Variants in CCDC91 observed in about 807,000 individuals in gnomAD.
CCDC91 encodes coiled-coil domain-containing protein 91.
Under a neutral mutation model 63.2 loss-of-function variants are expected in CCDC91, and 48 were observed. The observed-to-expected ratio is 0.76, with a 90% CI of 0.60 to 0.97. The LOEUF (loss-of-function observed/expected upper bound fraction) is 0.97, where lower values mean the gene tolerates loss of function less well. Ranked by LOEUF, CCDC91 falls within the 50% of genes least tolerant of loss-of-function variation. CCDC91 has a pLI of 0.00. For synonymous variants in CCDC91, 167 were observed against 165.8 expected (o/e 1.01, Z -0.06); for missense variants, 500 against 494.6 (o/e 1.01, Z -0.10).
chr12:28,515,000 T>A (rs1939788435), intron 12 of CCDC91, among the ~76,000 whole-genome samples: 1 of 151,770 alleles, frequency 6.6e-6, no homozygotes, highest in Non-Finnish European at 1.5e-5. Flanking sequence ...AATATGCACA[T>A]AGACCCCTCA....
chr12:28,233,398 T>C (rs1396372136), intron 1 of CCDC91, among the ~76,000 whole-genome samples: 3 of 152,198 alleles, frequency 2.0e-5, no homozygotes, highest in Non-Finnish European at 4.4e-5. Context: ...ATATTTATTA[T>C]ATTTGTGAAG....
chr12:28,248,304 A>G (rs1170727800), intron 1 of CCDC91, among the ~76,000 whole-genome samples: 1 of 152,170 alleles, frequency 6.6e-6, no homozygotes, highest in Non-Finnish European at 1.5e-5. Flanking sequence ...GTTAGATTAC[A>G]GTTGTCTCTT....
At chr12:28,215,242 C>T (rs1943489382) in intron 1 of CCDC91, among the ~76,000 whole-genome samples, 1 of 152,138 alleles carries the variant, frequency 6.6e-6, no homozygotes. Flanking sequence ...TGTTGTCAGG[C>T]TTAACATTAT....
chr12:28,496,504 A>T (rs1361584625), intron 12 of CCDC91, among the ~76,000 whole-genome samples: 3 of 151,624 alleles, frequency 2.0e-5, no homozygotes, highest in Non-Finnish European at 4.4e-5. Context: ...CATAGGGAGG[A>T]TATCAAAAAT....
chr12:28,354,399 A>G (rs1265888481), intron 6 of CCDC91, among the ~76,000 whole-genome samples: 1 of 152,160 alleles, frequency 6.6e-6, no homozygotes, highest in African/African-American at 2.4e-5. Flanking sequence ...TCCTAAGTCC[A>G]GGATAATCTC....
intron 1 of CCDC91, among the ~76,000 whole-genome samples, chr12:28,201,057 C>T (rs1355219225): frequency 4.0e-5 from 6 of 148,894 alleles, no homozygotes; most frequent in Non-Finnish European, 9.0e-5. Context: ...AGGGGCTCCT[C>T]ACTTCCCAGT....
intron 1 of CCDC91, among the ~76,000 whole-genome samples, chr12:28,237,266 A>ACACACACAC (rs1555163661): frequency 6.6e-6 from 1 of 150,808 alleles, no homozygotes; most frequent in African/African-American, 2.4e-5. Context: ...ACACACACAC[A>ACACACACAC]TTTTTTAAAA....
At chr12:28,499,582 A>G (rs1240759770) in intron 12 of CCDC91, among the ~76,000 whole-genome samples, 7 of 151,654 alleles carry the variant, frequency 4.6e-5, no homozygotes, top group African/African-American at 1.7e-4. Flanking sequence ...TTCAACTCCC[A>G]CTTATGAGTG....
At chr12:28,311,952 A>G (rs1215672597) in intron 6 of CCDC91, among the ~76,000 whole-genome samples, 1 of 151,980 alleles carries the variant, frequency 6.6e-6, no homozygotes, top group Non-Finnish European at 1.5e-5. Context: ...TTGGATTCCC[A>G]GGTCCCTAGT....
At position 28,394,737 on chromosome 12, in the gene CCDC91, T is replaced by TCTCTCTCTCTC. The variant is rs1216042442; in HGVS notation, c.762+3326_762+3327insCTCTCTCTCTC. Reference sequence around the variant, plus strand: ...CTCTCTCTCTCTCTCTCTCTCCCCCTTTTTCAGATTAAGAATTTCAGTTAA... The same window carrying TCTCTCTCTCTC: ...CTCTCTCTCTCTCTCTCTCTCCCCCTCTCTCTCTCTCTTTTCAGATTAAGAATTTCAGTTAA... On this transcript the variant is annotated intron_variant, in intron 8 of 12. Transcript: ENST00000536442. 5.9e-5 allele frequency among the ~76,000 whole-genome samples: 9 copies of TCTCTCTCTCTC among 151,704 alleles called. No individual in the cohort carries two copies. The South Asian group carries it at 8.3e-4, about 14-fold the overall frequency.
At chr12:28,220,537 A>G (rs537994157) in intron 1 of CCDC91, among the ~76,000 whole-genome samples, 1 of 152,004 alleles carries the variant, frequency 6.6e-6, no homozygotes, top group South Asian at 2.1e-4. Flanking sequence ...TGGGACTCCT[A>G]ATTTCTTTTG....
chr12:28,508,017 G>A (rs1474486169), intron 12 of CCDC91, among the ~76,000 whole-genome samples: 2 of 151,872 alleles, frequency 1.3e-5, no homozygotes, highest in African/African-American at 4.8e-5. Context: ...CAGGAAGAGG[G>A]CGTGACCTTG....
At chr12:28,463,797 T>G (rs1309323508) in intron 11 of CCDC91, among the ~76,000 whole-genome samples, 1 of 152,164 alleles carries the variant, frequency 6.6e-6, no homozygotes, top group Non-Finnish European at 1.5e-5. Context: ...CAAAAAACTT[T>G]TTTTTGAAGA....
chr12:28,452,327 G>A (rs2140351635), intron 10 of CCDC91, 151 bp from the exon 11 acceptor site: 1 of 421,078 alleles, frequency 2.4e-6, no homozygotes, highest in East Asian at 3.8e-5. Flanking sequence ...ATTTTATTTT[G>A]TAGCAGTTAT....
At chr12:28,313,184 C>T (rs1303465117) in intron 6 of CCDC91, among the ~76,000 whole-genome samples, 2 of 151,680 alleles carry the variant, frequency 1.3e-5, no homozygotes, top group Non-Finnish European at 2.9e-5. Context: ...TTTATGATGA[C>T]AGGAACAATA....
At chr12:28,412,180 A>G (rs1012989620) in intron 8 of CCDC91, among the ~76,000 whole-genome samples, 38 of 152,212 alleles carry the variant, frequency 2.5e-4, no homozygotes, top group Admixed American at 1.4e-3. Flanking sequence ...GTGTAAGTAC[A>G]CTCTATGATG....
chr12:28,383,775 A>C (rs1032391), intron 7 of CCDC91, among the ~76,000 whole-genome samples: 59,791 of 151,946 alleles, frequency 0.39, 12,266 homozygotes, highest in Middle Eastern at 0.49. Context: ...TTATATTCCA[A>C]CAAAATTTTC....
At chr12:28,369,949 C>T (rs1399021378) in intron 7 of CCDC91, among the ~76,000 whole-genome samples, 1 of 152,132 alleles carries the variant, frequency 6.6e-6, no homozygotes, top group Non-Finnish European at 1.5e-5. Flanking sequence ...TGAGACCATC[C>T]CACACAACCA....
rs1288071305 is a variant in CCDC91 at position 28,395,854 on chromosome 12, G to A, written c.762+4443G>A. ...CTTCTGGGTTGCTGAATACATAGAA[G>A]TGCTGTGCTTTATGACACTGTACAA... On this transcript the variant is annotated intron_variant, in intron 8 of 12. Transcript: ENST00000536442. 2.0e-5 allele frequency among the ~76,000 whole-genome samples: 3 copies of A among 152,134 alleles called. No homozygotes were observed. In the East Asian group the frequency reaches 5.8e-4, roughly 29 times the overall value.
Sources: gnomAD v4.1 joint callset for allele counts (sites outside exome capture counted in the v4.1 genomes callset) on GRCh38, gnomAD v4.1.1 for gene constraint, MANE v1.5 for transcripts, NCBI Gene and HGNC (gene_info 2026-07-23, HGNC 2026-07-21) for gene names.